ATXN7L1: variants seen among roughly 807,000 people sequenced by gnomAD.
ATXN7L1 encodes the protein ataxin 7 like 1.
A neutral mutation model predicts 70.8 loss-of-function variants in ATXN7L1; 15 were observed. The observed-to-expected ratio is 0.21, with a 90% CI of 0.14 to 0.33. ATXN7L1 has a LOEUF of 0.33. Among genes scored for constraint, ATXN7L1 ranks in the 10% least tolerant of loss-of-function variants. The pLI is 1.00. For synonymous variants in ATXN7L1, 440 were observed against 445.1 expected, an observed-to-expected ratio of 0.99 and a Z score of 0.14; for missense variants, 975 against 1,097.1, an observed-to-expected ratio of 0.89 and a Z score of 1.57.
At chr7:105,684,839 C>T (rs572759294) in intron 3 of ATXN7L1, among the ~76,000 whole-genome samples, 286 of 152,272 alleles carry the variant, frequency 1.9e-3, no homozygotes, top group Non-Finnish European at 3.6e-3. Context: ...ATGGTTGTAC[C>T]GAACCATGTG....
chr7:105,813,335 AT>A (rs3036751), intron 2 of ATXN7L1, among the ~76,000 whole-genome samples: 161 of 128,880 alleles, frequency 1.2e-3, no homozygotes, highest in East Asian at 3.9e-3. Context: ...ACAATCTACA[AT>A]TTTTTTTTTT....
At chr7:105,743,625 G>A (rs956738504) in intron 3 of ATXN7L1, among the ~76,000 whole-genome samples, 4 of 152,130 alleles carry the variant, frequency 2.6e-5, no homozygotes, top group South Asian at 4.2e-4. Flanking sequence ...TTACATAGCT[G>A]CATTGCAGCA....
At chr7:105,652,659 A>G (rs1800030684) in intron 4 of ATXN7L1, among the ~76,000 whole-genome samples, 1 of 152,260 alleles carries the variant, frequency 6.6e-6, no homozygotes, top group African/African-American at 2.4e-5. Context: ...AAGGGGAGAC[A>G]GGGCAACTCC....
chr7:105,847,880 C>T (rs577389192), intron 2 of ATXN7L1, among the ~76,000 whole-genome samples: 14 of 152,358 alleles, frequency 9.2e-5, no homozygotes, highest in African/African-American at 3.4e-4. Flanking sequence ...TTCAGTAACA[C>T]CTGCCATGTG....
intron 2 of ATXN7L1, among the ~76,000 whole-genome samples, 183 bp downstream of exon 2, chr7:105,875,629 C>CCCG (rs1554490213): frequency 2.6e-5 from 3 of 113,806 alleles, no homozygotes; most frequent in Non-Finnish European, 5.7e-5. Context: ...CCCCCTTTAC[C>CCCG]CCCCCCCCAG....
At chr7:105,717,869 A>G (rs1023887604) in intron 3 of ATXN7L1, among the ~76,000 whole-genome samples, 1 of 152,056 alleles carries the variant, frequency 6.6e-6, no homozygotes, top group African/African-American at 2.4e-5. Context: ...AGTTTCCTCC[A>G]TTTTGCCTGC....
At chr7:105,677,556 T>C (rs1804874423) in intron 3 of ATXN7L1, among the ~76,000 whole-genome samples, 1 of 152,226 alleles carries the variant, frequency 6.6e-6, no homozygotes, top group Admixed American at 6.5e-5. Flanking sequence ...TCAAGAGCAC[T>C]CACTCTATTC....
Position 105,812,771 on chromosome 7 carries a change from C to T in ATXN7L1, c.251-24063G>A, listed in dbSNP as rs540893771. Reference sequence around the variant, plus strand: ...ATCCCAGCACTCTGGGAGGCTGAGACGGGTGGGTCACTTGAGCCCAGAAGT... The same window carrying T: ...ATCCCAGCACTCTGGGAGGCTGAGATGGGTGGGTCACTTGAGCCCAGAAGT... On this transcript the variant is annotated intron_variant, in intron 2 of 11. Coordinates refer to ENST00000419735, the MANE Select transcript of ATXN7L1 (RefSeq NM_020725.2). Among the ~76,000 whole-genome samples the T allele has an allele frequency of 4.6e-5, 7 of 152,186 alleles. 1 individual carries two copies. The highest frequency in any genetic ancestry group is 1.3e-4 in the Admixed American group (2 of 15,302).
intron 4 of ATXN7L1, among the ~76,000 whole-genome samples, chr7:105,659,989 G>C (rs548699628): frequency 2.1e-4 from 31 of 150,626 alleles, no homozygotes; most frequent in Admixed American, 2.1e-3. Context: ...GGCCCTTACT[G>C]TCCTTCCCTT....
chr7:105,730,225 A>G (rs1206915196), intron 3 of ATXN7L1, among the ~76,000 whole-genome samples: 4 of 152,212 alleles, frequency 2.6e-5, no homozygotes, highest in Non-Finnish European at 4.4e-5. Flanking sequence ...AACCATGCTG[A>G]GAGTACATTA....
At chr7:105,695,665 A>G (rs1332940740) in intron 3 of ATXN7L1, among the ~76,000 whole-genome samples, 2 of 152,192 alleles carry the variant, frequency 1.3e-5, no homozygotes, top group South Asian at 2.1e-4. Context: ...AGCTTAGCAC[A>G]TGGTTTGGGG....
intron 8 of ATXN7L1, among the ~76,000 whole-genome samples, chr7:105,622,700 G>T (rs1390183710): frequency 1.3e-5 from 2 of 152,188 alleles, no homozygotes; most frequent in Non-Finnish European, 2.9e-5. Flanking sequence ...GAATTGATCC[G>T]GCGGGGGCAT....
At chr7:105,618,042 G>A (rs913061328) in intron 9 of ATXN7L1, 1 of 456,618 alleles carries the variant, frequency 2.2e-6, no homozygotes, top group African/African-American at 2.0e-5. Flanking sequence ...AGATTGGTTA[G>A]GCAAGTCCTG....
chr7:105,813,536 C>T (rs190503787), intron 2 of ATXN7L1, among the ~76,000 whole-genome samples: 1 of 152,168 alleles, frequency 6.6e-6, no homozygotes, highest in Non-Finnish European at 1.5e-5. Context: ...GGGGTTTCTC[C>T]ATGTTGGTCA....
chr7:105,805,974 A>G (rs188791865), intron 2 of ATXN7L1, among the ~76,000 whole-genome samples: 26 of 152,236 alleles, frequency 1.7e-4, no homozygotes, highest in Non-Finnish European at 3.1e-4. Context: ...AGCAATGCTG[A>G]GCTTGCTGGA....
intron 2 of ATXN7L1, among the ~76,000 whole-genome samples, chr7:105,822,345 T>C (rs891042080): frequency 6.6e-6 from 1 of 152,222 alleles, no homozygotes; most frequent in African/African-American, 2.4e-5. Context: ...GGTGCTCTCC[T>C]GTGAATGGGG....
At chr7:105,664,915 C>A (rs1357901212) in intron 4 of ATXN7L1, 151 bp downstream of exon 4, 3 of 750,630 alleles carry the variant, frequency 4.0e-6, no homozygotes, top group Middle Eastern at 3.9e-4. Flanking sequence ...ATCTTTCCAT[C>A]ATTTTGGGTT....
intron 3 of ATXN7L1, among the ~76,000 whole-genome samples, chr7:105,766,435 G>C (rs1801260136): frequency 6.6e-6 from 1 of 152,138 alleles, no homozygotes. Context: ...CCGAGACATT[G>C]ATTTGATTAG....
At chr7:105,861,248 G>C (rs1354511437) in intron 2 of ATXN7L1, among the ~76,000 whole-genome samples, 1 of 152,194 alleles carries the variant, frequency 6.6e-6, no homozygotes, top group Non-Finnish European at 1.5e-5. Context: ...TTAACTGGTC[G>C]ATGAGGGAGT....
Sources: allele counts gnomAD v4.1 joint callset (sites outside exome capture counted in the v4.1 genomes callset), GRCh38; gene constraint gnomAD v4.1.1; transcripts MANE v1.5; gene names NCBI Gene and HGNC (gene_info 2026-07-23, HGNC 2026-07-21).